LARGE1: variants seen among roughly 807,000 people sequenced by gnomAD.
LARGE1 encodes the protein xylosyl- and glucuronyltransferase LARGE1.
A neutral mutation model predicts 87.6 loss-of-function variants in LARGE1; 43 were observed. The observed-to-expected ratio is 0.49, with a 90% confidence interval of 0.38 to 0.63. LARGE1 has a LOEUF of 0.63. Ranked by LOEUF, LARGE1 falls within the 30% of genes least tolerant of loss-of-function variation. The probability of loss-of-function intolerance (pLI) is 0.00; values close to 1 mark genes in which losing one functional copy is unlikely to be tolerated. For synonymous variants in LARGE1, 434 were observed against 394.6 expected (o/e 1.10, Z -1.18); for missense variants, 802 against 1,000.2 (o/e 0.80, Z 2.67).
chr22:33,736,885 A>G (rs1485552979), intron 2 of LARGE1, among the ~76,000 whole-genome samples: 5 of 152,232 alleles, frequency 3.3e-5, no homozygotes, highest in Non-Finnish European at 4.4e-5. Context: ...GATTCTAGAA[A>G]GGAGATAAAT....
chr22:33,683,232 C>T (rs2081836113), intron 2 of LARGE1, among the ~76,000 whole-genome samples: 1 of 152,118 alleles, frequency 6.6e-6, no homozygotes, highest in South Asian at 2.1e-4. Context: ...GATTGCCCTC[C>T]CTAACGGGGA....
chr22:33,670,411 C>A lies in LARGE1; in HGVS notation c.107-19743G>T, dbSNP rs111678139. 7.1e-3 allele frequency among the ~76,000 whole-genome samples: 1,077 copies of A among 151,630 alleles called. 16 individuals are homozygous for A. The highest frequency in any genetic ancestry group is 0.025 in the African/African-American group (1,026 of 41,332). On this transcript the variant is annotated intron_variant, in intron 2 of 14. Transcript: ENST00000397394. ...CATGTTGAGATTAGAAAGGTGAGCA[C>A]CAAGACGCTAGATTGAGAGACATGT...
the LARGE1 span, among the ~76,000 whole-genome samples, chr22:33,083,979 G>T: frequency 5.2e-3 from 792 of 152,232 alleles, 4 homozygotes; most frequent in African/African-American, 0.018. Context: ...TGCCTCTTCA[G>T]CCTGATCTCC....
intron 11 of LARGE1, among the ~76,000 whole-genome samples, chr22:33,228,032 T>G (rs1925820183): frequency 6.6e-6 from 1 of 152,262 alleles, no homozygotes; most frequent in African/African-American, 2.4e-5. Context: ...ATATATTTAT[T>G]TAAGTGCTCA....
chr22:33,511,051 C>T (rs2071032368), intron 6 of LARGE1, among the ~76,000 whole-genome samples: 2 of 152,314 alleles, frequency 1.3e-5, no homozygotes, highest in Non-Finnish European at 1.5e-5. Flanking sequence ...CCATCACACA[C>T]ATAGTGATTT....
intron 11 of LARGE1, among the ~76,000 whole-genome samples, chr22:33,251,429 T>C (rs1927006119): frequency 1.3e-5 from 2 of 152,214 alleles, no homozygotes. Flanking sequence ...TGTTTTTTTT[T>C]CTTGGGATCA....
rs532844803 is a variant in LARGE1 at position 33,575,884 on chromosome 22, C to G, written c.616-10865G>C. 3.3e-5 allele frequency among the ~76,000 whole-genome samples: 5 copies of G among 152,302 alleles called. No homozygotes were observed. In the South Asian group the frequency reaches 1.0e-3, roughly 32 times the overall value. Reference sequence around the variant, plus strand: ...CCAGCAAGAAGCATCCTCTATTTAGCTTTGCGAAGCTTGAGGGGATTGGTC... The same window carrying G: ...CCAGCAAGAAGCATCCTCTATTTAGGTTTGCGAAGCTTGAGGGGATTGGTC... On this transcript the variant is annotated intron_variant, in intron 5 of 14. Coordinates refer to ENST00000397394, the MANE Select transcript of LARGE1 (RefSeq NM_133642.5).
intron 6 of LARGE1, among the ~76,000 whole-genome samples, chr22:33,550,755 A>G (rs541482906): frequency 6.6e-6 from 1 of 152,368 alleles, no homozygotes; most frequent in African/African-American, 2.4e-5. Context: ...GATGTTTATC[A>G]CAACACTACT....
intron 6 of LARGE1, among the ~76,000 whole-genome samples, chr22:33,444,418 G>A (rs919148126): frequency 6.6e-6 from 1 of 152,024 alleles, no homozygotes; most frequent in Non-Finnish European, 1.5e-5. Flanking sequence ...TTGAGATGGA[G>A]TCTTGCTCTG....
downstream of LARGE1, among the ~76,000 whole-genome samples, chr22:33,268,639 G>GGA (rs1264144425): frequency 6.6e-6 from 1 of 151,734 alleles, no homozygotes; most frequent in Non-Finnish European, 1.5e-5. Context: ...ATGTTAGCCA[G>GGA]GATGGTCTCG....
chr22:33,561,644 T>C (rs147106679), intron 6 of LARGE1, among the ~76,000 whole-genome samples: 26 of 152,276 alleles, frequency 1.7e-4, no homozygotes, highest in African/African-American at 6.0e-4. Flanking sequence ...TCAGTAAATA[T>C]TGACCGAATG....
At chr22:33,251,028 A>T (rs542537575) in intron 11 of LARGE1, among the ~76,000 whole-genome samples, 2 of 152,320 alleles carry the variant, frequency 1.3e-5, no homozygotes, top group African/African-American at 4.8e-5. Flanking sequence ...TGTAGAAAGT[A>T]TTCCCTCTGT....
intron 10 of LARGE1, among the ~76,000 whole-genome samples, chr22:33,320,627 C>T (rs1378556190): frequency 6.6e-6 from 1 of 152,180 alleles, no homozygotes; most frequent in Non-Finnish European, 1.5e-5. Flanking sequence ...ATACAAAAAA[C>T]CTGTAATCAC....
At chr22:33,317,975 G>A (rs1210982714) in intron 10 of LARGE1, among the ~76,000 whole-genome samples, 1 of 151,614 alleles carries the variant, frequency 6.6e-6, no homozygotes, top group African/African-American at 2.4e-5. Flanking sequence ...GGTGGCTCAC[G>A]CCTGTAATCC....
chr22:33,186,516 T>C (rs905767017), intron 11 of LARGE1, among the ~76,000 whole-genome samples: 1 of 152,158 alleles, frequency 6.6e-6, no homozygotes, highest in Non-Finnish European at 1.5e-5. Context: ...AAAAGTCACA[T>C]GCAAAAATCT....
At chr22:33,569,724 C>T (rs1486446487) in intron 5 of LARGE1, among the ~76,000 whole-genome samples, 2 of 152,146 alleles carry the variant, frequency 1.3e-5, no homozygotes, top group African/African-American at 4.8e-5. Flanking sequence ...ACCCCCACAG[C>T]CCCAGGCTGG....
chr22:33,626,366 G>A (rs1447596891), intron 3 of LARGE1, 40 bp from the exon 4 acceptor site: 12 of 1,522,916 alleles, frequency 7.9e-6, no homozygotes, highest in East Asian at 4.5e-5. Context: ...TCAGACAGAC[G>A]GAAGGAGGCC....
intron 7 of LARGE1, among the ~76,000 whole-genome samples, chr22:33,404,470 T>G (rs539193663): frequency 6.6e-6 from 1 of 152,262 alleles, no homozygotes; most frequent in Admixed American, 6.5e-5. Flanking sequence ...CCCTACCTAA[T>G]AGAAAGTGGC....
Position 33,661,343 on chromosome 22 carries a change from G to T in LARGE1, c.107-10675C>A, listed in dbSNP as rs185853384. On this transcript the variant is annotated intron_variant, in intron 2 of 14. Coordinates refer to ENST00000397394, the MANE Select transcript of LARGE1 (RefSeq NM_133642.5). ...CGATTCCCTTGCCTCAGCCTCCCAAGTAGCTGGGATTACAGGCGCGCCACC... is the reference window on the plus strand; with the variant it reads ...CGATTCCCTTGCCTCAGCCTCCCAATTAGCTGGGATTACAGGCGCGCCACC... Among the ~76,000 whole-genome samples, 6 of 151,440 alleles carry T rather than the reference G, an allele frequency of 4.0e-5. No individual in the cohort carries two copies. In the East Asian group the frequency reaches 1.2e-3, roughly 30 times the overall value.
Sources: allele counts gnomAD v4.1 joint callset (sites outside exome capture counted in the v4.1 genomes callset), GRCh38; gene constraint gnomAD v4.1.1; transcripts MANE v1.5; gene names NCBI Gene and HGNC (gene_info 2026-07-23, HGNC 2026-07-21).